The following KPNA5 variants were observed in gnomAD, a reference collection of about 807,000 sequenced individuals.
KPNA5 encodes karyopherin subunit alpha 5.
KPNA5 carries 46 observed loss-of-function variants against 71.3 expected under a neutral mutation model. The observed-to-expected ratio is 0.65, with a 90% CI of 0.51 to 0.83. The LOEUF (loss-of-function observed/expected upper bound fraction) is 0.83, where lower values mean the gene tolerates loss of function less well. Among genes scored for constraint, KPNA5 ranks in the 40% least tolerant of loss-of-function variants. The probability of loss-of-function intolerance (pLI) is 0.00; values close to 1 mark genes in which losing one functional copy is unlikely to be tolerated. For missense variants in KPNA5, 547 were observed against 628.3 expected, an observed-to-expected ratio of 0.87 and a Z score of 1.38; for synonymous variants, 207 against 201.4, an observed-to-expected ratio of 1.03 and a Z score of -0.24.
chr6:116,703,335 T>C (rs1465562302), intron 6 of KPNA5, among the ~76,000 whole-genome samples: 1 of 151,876 alleles, frequency 6.6e-6, no homozygotes, highest in East Asian at 1.9e-4. Context: ...CGATCTCGGC[T>C]CACTGCAACT....
chr6:116,701,972 AC>A (rs1778247149), intron 5 of KPNA5, 46 bp from the exon 6 acceptor site: 2 of 1,576,436 alleles, frequency 1.3e-6, no homozygotes, highest in Non-Finnish European at 1.7e-6. Flanking sequence ...TGCCTTTCTG[AC>A]AATTCTTTGG....
At chr6:116,728,652 T>C (rs1389909961) in intron 12 of KPNA5, among the ~76,000 whole-genome samples, 1 of 152,138 alleles carries the variant, frequency 6.6e-6, no homozygotes, top group East Asian at 1.9e-4. Context: ...TACATCTTTT[T>C]TTTTTAAGAG....
At chr6:116,706,281 C>T (rs761363826) in intron 7 of KPNA5, among the ~76,000 whole-genome samples, 3 of 152,180 alleles carry the variant, frequency 2.0e-5, no homozygotes, top group Non-Finnish European at 4.4e-5. Flanking sequence ...GTAAACATTT[C>T]TTAGGTCTAA....
intron 8 of KPNA5, among the ~76,000 whole-genome samples, chr6:116,717,310 A>C (rs1175961019): frequency 6.6e-6 from 1 of 152,198 alleles, no homozygotes; most frequent in African/African-American, 2.4e-5. Flanking sequence ...GGTTTTAGGA[A>C]TCCCCCAGGG....
chr6:116,725,692 GATTTTCATAT>G, intron 10 of KPNA5, 49 bp from the exon 11 acceptor site: 1 of 1,397,456 alleles, frequency 7.2e-7, no homozygotes, highest in South Asian at 1.3e-5. Flanking sequence ...TTCATTAGTA[GATTTTCATAT>G]AGGTTATTTA....
intron 4 of KPNA5, among the ~76,000 whole-genome samples, chr6:116,694,201 G>A (rs777195915): frequency 6.6e-6 from 1 of 152,118 alleles, no homozygotes; most frequent in African/African-American, 2.4e-5. Flanking sequence ...TTTTGCTTAG[G>A]ATTATCTTGG....
chr6:116,699,226 G>A (rs1778142409), intron 5 of KPNA5, among the ~76,000 whole-genome samples: 1 of 151,814 alleles, frequency 6.6e-6, no homozygotes, highest in African/African-American at 2.4e-5. Flanking sequence ...TTATCTAGTA[G>A]AAATGTGACC....
At position 116,726,483 on chromosome 6, in the gene KPNA5, T is replaced by A; in HGVS notation, c.1126-12T>A. The A allele has an allele frequency of 6.2e-7, 1 of 1,604,346 alleles. No homozygotes were observed. Among genetic ancestry groups the A allele is most frequent in the Non-Finnish European group, 8.5e-7 (1 of 1,173,144 alleles). Reference sequence around the variant, plus strand: ...AGTATTTGTACTGATTATATATTTTTCCCCCTCTCAGGCTGTTATAGATGC... The same window carrying A: ...AGTATTTGTACTGATTATATATTTTACCCCCTCTCAGGCTGTTATAGATGC... On this transcript the variant is annotated splice_polypyrimidine_tract_variant and intron_variant, in intron 11 of 13. Transcript: ENST00000368564.
At chr6:116,683,449 TC>T in intron 1 of KPNA5, among the ~76,000 whole-genome samples, 1 of 152,334 alleles carries the variant, frequency 6.6e-6, no homozygotes, top group Non-Finnish European at 1.5e-5. Flanking sequence ...AATACTGTGG[TC>T]AGTTTGCACT....
At chr6:116,731,674 C>T (rs772955025) in intron 13 of KPNA5, among the ~76,000 whole-genome samples, 1 of 152,074 alleles carries the variant, frequency 6.6e-6, no homozygotes, top group African/African-American at 2.4e-5. Flanking sequence ...AAATTTTACA[C>T]ATTTATTTCA....
intron 12 of KPNA5, among the ~76,000 whole-genome samples, chr6:116,728,242 A>G (rs1423639598): frequency 6.6e-6 from 1 of 151,748 alleles, no homozygotes; most frequent in Non-Finnish European, 1.5e-5. Context: ...TTGGGCTGCA[A>G]GTTTGTTCAC....
intron 7 of KPNA5, among the ~76,000 whole-genome samples, chr6:116,706,538 A>G (rs1778444752): frequency 1.3e-5 from 2 of 152,042 alleles, no homozygotes; most frequent in African/African-American, 4.8e-5. Flanking sequence ...GAAAATACAA[A>G]ATTAGCTGAG....
intron 6 of KPNA5, among the ~76,000 whole-genome samples, chr6:116,703,345 T>C (rs1165368): frequency 0.45 from 67,549 of 151,362 alleles, 18,093 homozygotes; most frequent in African/African-American, 0.76. Context: ...TCACTGCAAC[T>C]TCCACCTTCC....
intron 7 of KPNA5, among the ~76,000 whole-genome samples, chr6:116,709,622 A>G (rs1778576165): frequency 6.6e-6 from 1 of 152,186 alleles, no homozygotes; most frequent in Non-Finnish European, 1.5e-5. Context: ...AGCTTCCATT[A>G]CAATGTTATT....
chr6:116,686,145 T>TCCTCCTGGCTCTG (rs1370559908), intron 1 of KPNA5, among the ~76,000 whole-genome samples: 1 of 152,004 alleles, frequency 6.6e-6, no homozygotes, highest in Non-Finnish European at 1.5e-5. Context: ...GCTCAAGCAA[T>TCCTCCTGGCTCTG]CCTCCTGGCT....
At position 116,725,787 on chromosome 6, in the gene KPNA5, C is replaced by A; in HGVS notation, c.1036C>A (p.His346Asn). ...TTGTTCTGCATTACCCTGTCTCTTA[C>A]ATTTATTGAGTAGCCCAAAGGAGTC... ...LNCSALPCLL[H>N]LLSSPKESIR... Residue 346 changes from histidine (H) to asparagine (N), a missense_variant, in exon 11 of 14, where the codon CAT becomes AAT. By Grantham distance (68) the His-to-Asn change is moderately conservative (BLOSUM62 1). Coordinates refer to ENST00000368564, the MANE Select transcript of KPNA5 (RefSeq NM_001366306.2). The A allele has an allele frequency of 6.2e-7, 1 of 1,613,018 alleles. No individual in the cohort carries two copies.
rs1188634999 is a variant in KPNA5, at chr6:116,725,827, C to A, written c.1076C>A (p.Ala359Asp). Residue 359 changes from alanine (A) to aspartate (D), a missense_variant, in exon 11 of 14, where the codon GCC becomes GAC. Ala to Asp is a moderately radical substitution (Grantham distance 126). Coordinates refer to ENST00000368564, the MANE Select transcript of KPNA5 (RefSeq NM_001366306.2). ...SSPKESIRKE[A>D]CWTVSNITAG... ...CCAAAGGAGTCAATTAGAAAAGAAG[C>A]CTGCTGGACTGTTTCTAACATCACT... 8 of 1,613,352 alleles carry A rather than the reference C, an allele frequency of 5.0e-6. 1 individual carries two copies. In the Admixed American group the frequency reaches 1.2e-4, roughly 24 times the overall value.
At chr6:116,704,467 G>A (rs1778357203) in intron 6 of KPNA5, among the ~76,000 whole-genome samples, 1 of 152,216 alleles carries the variant, frequency 6.6e-6, no homozygotes, top group Admixed American at 6.5e-5. Flanking sequence ...CGACTAAAAT[G>A]TTATGCAGTG....
chr6:116,729,859 A>T (rs1779420864), intron 13 of KPNA5, 118 bp downstream of exon 13: 1 of 554,986 alleles, frequency 1.8e-6, no homozygotes. Context: ...TTTAAGTTTT[A>T]AAATGTCACC....
Sources: allele counts gnomAD v4.1 joint callset (sites outside exome capture counted in the v4.1 genomes callset), GRCh38; gene constraint gnomAD v4.1.1; transcripts MANE v1.5; gene names NCBI Gene and HGNC (gene_info 2026-07-23, HGNC 2026-07-21).